BRIP1: variants seen among roughly 807,000 people sequenced by gnomAD.
BRIP1 encodes BRCA1 interacting DNA helicase 1, also known as Fanconi anemia group J protein.
A neutral mutation model predicts 119.7 loss-of-function variants in BRIP1; 88 were observed. The observed-to-expected ratio is 0.74, with a 90% CI of 0.62 to 0.88. The LOEUF (loss-of-function observed/expected upper bound fraction) is 0.88, where lower values mean the gene tolerates loss of function less well. Among genes scored for constraint, BRIP1 ranks in the 40% least tolerant of loss-of-function variants. The pLI, the probability that BRIP1 is intolerant of heterozygous loss-of-function variation, is 0.00. For synonymous variants in BRIP1, 443 were observed against 496.5 expected (o/e 0.89, Z 1.43); for missense variants, 1,259 against 1,455.4 (o/e 0.87, Z 2.20).
rs1342652863 is a variant in BRIP1 at position 61,827,255 on chromosome 17, C to T, written c.628-18498G>A. On this transcript the variant is annotated intron_variant, in intron 6 of 19. Transcript: ENST00000259008. This position sits in a 1 kb window ranked among gnomAD's most constrained non-coding sequence, Gnocchi z 5.8. The stretch of plus-strand genomic sequence containing the variant: ...TGGAAACATAAAGGGGAAAAACACA[C>T]AATGGGGCCTATCAGAGGGTAGAGG... Among the ~76,000 whole-genome samples, 2 of 152,032 alleles carry T rather than the reference C, an allele frequency of 1.3e-5. No individual in the cohort carries two copies. The highest frequency in any genetic ancestry group is 2.9e-5 in the Non-Finnish European group (2 of 67,994).
At position 61,708,543 on chromosome 17, in the gene BRIP1, C is replaced by A. The variant is rs1440231444; in HGVS notation, c.2492+7408G>T. 6.6e-6 allele frequency among the ~76,000 whole-genome samples: 1 copy of A among 152,168 alleles called. No homozygotes were observed. The highest frequency in any genetic ancestry group is 1.5e-5 in the Non-Finnish European group (1 of 68,032). ...TCTGGCCCTTTATAGAAAACACTGG[C>A]CAATCCTTGTTCTAGTCTGTTGTGT... On this transcript the variant is annotated intron_variant, in intron 17 of 19. Coordinates refer to ENST00000259008, the MANE Select transcript of BRIP1 (RefSeq NM_032043.3). The surrounding 1 kb of genome is among the most constrained non-coding windows in gnomAD (Gnocchi z 4.4).
At chr17:61,818,038 GA>G (rs998318839) in intron 6 of BRIP1, among the ~76,000 whole-genome samples, 21 of 151,916 alleles carry the variant, frequency 1.4e-4, no homozygotes, top group South Asian at 1.0e-3. Context: ...AAATAAGTGA[GA>G]ATAACCAAAA....
chr17:61,801,631 GACAATA>G (rs760823150), intron 7 of BRIP1, among the ~76,000 whole-genome samples, 157 bp from the exon 8 acceptor site: 64 of 152,232 alleles, frequency 4.2e-4, no homozygotes, highest in Admixed American at 4.6e-4. Flanking sequence ...TCTTTTTTGA[GACAATA>G]CCATAGCTAC....
chr17:61,825,696 A>G lies in BRIP1; in HGVS notation c.628-16939T>C, dbSNP rs1306153745. On this transcript the variant is annotated intron_variant, in intron 6 of 19. Transcript: ENST00000259008. This position sits in a 1 kb window ranked among gnomAD's most constrained non-coding sequence, Gnocchi z 4.1. ...TAACTGGGAATACAACTAACCAGGTAGGTGAAAGATCTCTACAAAGGGAAC... is the reference window on the plus strand; with the variant it reads ...TAACTGGGAATACAACTAACCAGGTGGGTGAAAGATCTCTACAAAGGGAAC... Among the ~76,000 whole-genome samples, 1 of 151,924 alleles carries G rather than the reference A, an allele frequency of 6.6e-6. No individual in the cohort carries two copies. Among genetic ancestry groups the G allele is most frequent in the African/African-American group, 2.4e-5 (1 of 41,438 alleles).
rs2061643151 is a variant in BRIP1, at chr17:61,703,206, G to C, written c.2493-9694C>G. ...AGCCTCCCAAGTAGCTGGAATTACA[G>C]GTGTGCGCCACAACACCCACCTAAT... On this transcript the variant is annotated intron_variant, in intron 17 of 19. Coordinates refer to ENST00000259008, the MANE Select transcript of BRIP1 (RefSeq NM_032043.3). The surrounding 1 kb of genome is among the most constrained non-coding windows in gnomAD (Gnocchi z 5.0). Among the ~76,000 whole-genome samples the C allele has an allele frequency of 6.6e-6, 1 of 152,096 alleles. No homozygotes were observed. Among genetic ancestry groups the C allele is most frequent in the African/African-American group, 2.4e-5 (1 of 41,416 alleles).
In BRIP1 at chr17:61,793,626, T is replaced by C. The variant is rs142744352; in HGVS notation, c.1444A>G (p.Ile482Val). 165 of 1,608,154 alleles carry C rather than the reference T, an allele frequency of 1.0e-4. 1 individual carries two copies. The highest frequency in any genetic ancestry group is 1.3e-4 in the Non-Finnish European group (157 of 1,176,860). The change falls in exon 10 of 20, where the codon ATC becomes GTC. Residue 482 changes from isoleucine (I) to valine (V), a missense_variant. Transcript: ENST00000259008. The surrounding 1 kb of genome is among the most constrained non-coding windows in gnomAD (Gnocchi z 5.2). ...EMLLTLHKMGITTATFPILQG... is the reference protein window; with the variant it reads ...EMLLTLHKMGVTTATFPILQG... ...AAAATGGGAAAAGTAGCAGTGGTGA[T>C]ACCCATTTTGTGTAAAGTTAAGAGC...
rs2061503009 is a variant in BRIP1, at chr17:61,695,162, A to C, written c.2493-1650T>G. Among the ~76,000 whole-genome samples the C allele has an allele frequency of 6.6e-6, 1 of 152,026 alleles. No homozygotes were observed. The highest frequency in any genetic ancestry group is 2.4e-5 in the African/African-American group (1 of 41,424). ...TCTGTCTTTGATCCACTTTGAGTTA[A>C]CTTTTGTATATGGTGTGAGGTAGGA... On this transcript the variant is annotated intron_variant, in intron 17 of 19. Coordinates refer to ENST00000259008, the MANE Select transcript of BRIP1 (RefSeq NM_032043.3). This position sits in a 1 kb window ranked among gnomAD's most constrained non-coding sequence, Gnocchi z 4.3.
Position 61,847,178 on chromosome 17 carries a change from C to T in BRIP1, c.550G>A (p.Asp184Asn), listed in dbSNP as rs201047375. ...GTCTTTCCTGAATCAACTTTTGCAT[C>T]CAAATTGTGTACTTCTGTTCCAAAG... ...HCFGTEVHNL[D>N]AKVDSGKTVK... The change falls in exon 6 of 20, where the codon GAT (aspartate) becomes AAT (asparagine). Residue 184 changes from aspartate to asparagine, a missense_variant. Coordinates refer to ENST00000259008, the MANE Select transcript of BRIP1 (RefSeq NM_032043.3). 6.2e-7 allele frequency: 1 copy of T among 1,613,596 alleles called. No individual in the cohort carries two copies. Among genetic ancestry groups the T allele is most frequent in the Non-Finnish European group, 8.5e-7 (1 of 1,179,634 alleles).
Position 61,709,989 on chromosome 17 carries a change from A to G in BRIP1, c.2492+5962T>C, listed in dbSNP as rs2144329744. 6.6e-6 allele frequency among the ~76,000 whole-genome samples: 1 copy of G among 152,272 alleles called. No homozygotes were observed. Among genetic ancestry groups the G allele is most frequent in the East Asian group, 1.9e-4 (1 of 5,184 alleles). On this transcript the variant is annotated intron_variant, in intron 17 of 19. Coordinates refer to ENST00000259008, the MANE Select transcript of BRIP1 (RefSeq NM_032043.3). This position sits in a 1 kb window ranked among gnomAD's most constrained non-coding sequence, Gnocchi z 5.0. ...GTATAAGCACCTTTTCTGTCAATCA[A>G]TATACATTATGAGTTTTATTAAATA...
rs2144860523 is a variant in BRIP1, at chr17:61,762,575, A to T, written c.2097+13826T>A. ...AAAAATGGGCAAGGGATTTGAATAG[A>T]CATTTCTAAAAGAAGACAACAAATG... is the stretch of plus-strand genomic sequence containing the variant. On this transcript the variant is annotated intron_variant, in intron 14 of 19. Transcript: ENST00000259008. This position sits in a 1 kb window ranked among gnomAD's most constrained non-coding sequence, Gnocchi z 4.3. Among the ~76,000 whole-genome samples, 1 of 152,314 alleles carries T rather than the reference A, an allele frequency of 6.6e-6. No homozygotes were observed. Among genetic ancestry groups the T allele is most frequent in the East Asian group, 1.9e-4 (1 of 5,186 alleles).
At position 61,849,298 on chromosome 17, in the gene BRIP1, A is replaced by C. The variant is rs772440007; in HGVS notation, c.380-42T>G. The C allele has an allele frequency of 1.9e-6, 3 of 1,564,896 alleles. No individual in the cohort carries two copies. The African/African-American group carries it at 4.1e-5, about 21-fold the overall frequency. On this transcript the variant is annotated intron_variant, in intron 4 of 19. Transcript: ENST00000259008. ...AAAAAAAACAGCATAAATAACTTAC[A>C]GGTAGGCAATTTTTCTAGAAGAAAA...
At position 61,844,641 on chromosome 17, in the gene BRIP1, A is replaced by T. The variant is rs942517968; in HGVS notation, c.627+2460T>A. ...CCCAAGAAAAAAAAATCTTAATCACAGGTGACTCTATACTTGATTTGTTTA... is the reference window on the plus strand; with the variant it reads ...CCCAAGAAAAAAAAATCTTAATCACTGGTGACTCTATACTTGATTTGTTTA... On this transcript the variant is annotated intron_variant, in intron 6 of 19. Transcript: ENST00000259008. The surrounding 1 kb of genome is among the most constrained non-coding windows in gnomAD (Gnocchi z 4.7). Among the ~76,000 whole-genome samples the T allele has an allele frequency of 6.6e-6, 1 of 152,194 alleles. No individual in the cohort carries two copies. The highest frequency in any genetic ancestry group is 2.4e-5 in the African/African-American group (1 of 41,450).
chr17:61,769,845 G>A lies in BRIP1; in HGVS notation c.2097+6556C>T. ...GAAATAGTTAAAAGATAATATTGAT[G>A]AATTGCTGGAGATAAAATGTGAACT... On this transcript the variant is annotated intron_variant, in intron 14 of 19. Transcript: ENST00000259008. The surrounding 1 kb of genome is among the most constrained non-coding windows in gnomAD (Gnocchi z 4.9). Among the ~76,000 whole-genome samples, 2 of 152,246 alleles carry A rather than the reference G, an allele frequency of 1.3e-5. 1 individual carries two copies. Among genetic ancestry groups the A allele is most frequent in the East Asian group, 3.9e-4 (2 of 5,182 alleles).
At chr17:61,783,324 G>A (rs775328901) in intron 11 of BRIP1, among the ~76,000 whole-genome samples, 29 of 152,034 alleles carry the variant, frequency 1.9e-4, no homozygotes, top group African/African-American at 6.8e-4. Flanking sequence ...TTGTATGATC[G>A]CTCTTATGTG....
At position 61,740,103 on chromosome 17, in the gene BRIP1, T is replaced by C. The variant is rs1431035342; in HGVS notation, c.2379+2910A>G. Among the ~76,000 whole-genome samples, 3 of 152,126 alleles carry C rather than the reference T, an allele frequency of 2.0e-5. No homozygotes were observed. The highest frequency in any genetic ancestry group is 4.4e-5 in the Non-Finnish European group (3 of 68,030). ...GGTGAACTCCATTATCCCAGTTCTCTGCTTGGGTATAATTTCCTGACCACA... is the reference window on the plus strand; with the variant it reads ...GGTGAACTCCATTATCCCAGTTCTCCGCTTGGGTATAATTTCCTGACCACA... On this transcript the variant is annotated intron_variant, in intron 16 of 19. Transcript: ENST00000259008. The surrounding 1 kb of genome is among the most constrained non-coding windows in gnomAD (Gnocchi z 5.4).
chr17:61,741,762 G>C (rs911344332), intron 16 of BRIP1, among the ~76,000 whole-genome samples: 11 of 152,182 alleles, frequency 7.2e-5, no homozygotes, highest in African/African-American at 4.8e-5. Flanking sequence ...TGTCGTGCAG[G>C]CTTTGTTGTT....
At chr17:61,697,661 T>C (rs991893049) in intron 17 of BRIP1, among the ~76,000 whole-genome samples, 1 of 152,114 alleles carries the variant, frequency 6.6e-6, no homozygotes, top group African/African-American at 2.4e-5. Flanking sequence ...GAATTCTCTA[T>C]TTCATTTATT....
rs2077266573 is a variant in BRIP1, at chr17:61,760,759, A to G, written c.2097+15642T>C. Among the ~76,000 whole-genome samples, 1 of 151,934 alleles carries G rather than the reference A, an allele frequency of 6.6e-6. No individual in the cohort carries two copies. Among genetic ancestry groups the G allele is most frequent in the Admixed American group, 6.6e-5 (1 of 15,226 alleles). ...AATAGAAAATTTAAACAGACCAATAATGAGTTCTTTCCAATCAAAGAAAAG... is the reference window on the plus strand; with the variant it reads ...AATAGAAAATTTAAACAGACCAATAGTGAGTTCTTTCCAATCAAAGAAAAG... On this transcript the variant is annotated intron_variant, in intron 14 of 19. Coordinates refer to ENST00000259008, the MANE Select transcript of BRIP1 (RefSeq NM_032043.3). The surrounding 1 kb of genome is among the most constrained non-coding windows in gnomAD (Gnocchi z 4.6).
At position 61,735,387 on chromosome 17, in the gene BRIP1, G is replaced by A. The variant is rs2159451; in HGVS notation, c.2379+7626C>T. ...GTGTAAGACTCTGTATTGGCTGACT[G>A]GGGCTAGAGAGCTTCCTATTGGCCT... is the stretch of plus-strand genomic sequence containing the variant. On this transcript the variant is annotated intron_variant, in intron 16 of 19. Coordinates refer to ENST00000259008, the MANE Select transcript of BRIP1 (RefSeq NM_032043.3). The surrounding 1 kb of genome is among the most constrained non-coding windows in gnomAD (Gnocchi z 4.4). Among the ~76,000 whole-genome samples the A allele has an allele frequency of 0.33, 50,654 of 151,890 alleles. 8,642 individuals carry two copies. Among genetic ancestry groups the A allele is most frequent in the East Asian group, 0.48 (2,463 of 5,156 alleles).
Sources: gnomAD v4.1 joint callset for allele counts (sites outside exome capture counted in the v4.1 genomes callset) on GRCh38, gnomAD v4.1.1 for gene constraint, Gnocchi (gnomAD v3.1) non-coding constraint, MANE v1.5 for transcripts, NCBI Gene and HGNC (gene_info 2026-07-23, HGNC 2026-07-21) for gene names.